Variants in ERO1B observed in about 807,000 individuals in gnomAD.
ERO1B encodes the protein ERO1-like protein beta.
ERO1B carries 49 observed loss-of-function variants against 75.3 expected under a neutral mutation model. The observed-to-expected ratio is 0.65, with a 90% CI of 0.52 to 0.83. The LOEUF is 0.83. ERO1B is among the 40% of genes least tolerant of loss of function. The pLI is 0.00. For synonymous variants in ERO1B, 191 were observed against 192.9 expected, an observed-to-expected ratio of 0.99 and a Z score of 0.08; for missense variants, 512 against 560.1, an observed-to-expected ratio of 0.91 and a Z score of 0.87.
chr1:236,230,505 G>A lies in ERO1B; in HGVS notation c.686-255C>T, dbSNP rs546826141. ...GTGCAGGCCTGTAATCCAGCTACTC[G>A]GGAGGATGAGGCAGGAGAATTGCTT... On this transcript the variant is annotated intron_variant, in intron 9 of 15. Coordinates refer to ENST00000354619, the MANE Select transcript of ERO1B (RefSeq NM_019891.4). Among the ~76,000 whole-genome samples the A allele has an allele frequency of 2.6e-5, 4 of 150,952 alleles. No individual in the cohort carries two copies. The East Asian group carries it at 5.9e-4, about 22-fold the overall frequency.
intron 10 of ERO1B, among the ~76,000 whole-genome samples, chr1:236,227,749 ACT>A (rs1209132676): frequency 1.3e-5 from 2 of 152,084 alleles, no homozygotes; most frequent in South Asian, 2.1e-4. Flanking sequence ...CCAGCAATTC[ACT>A]CTCTCTTTCT....
intron 12 of ERO1B, 132 bp downstream of exon 12, chr1:236,226,137 A>G: frequency 1.2e-6 from 1 of 850,086 alleles, no homozygotes; most frequent in South Asian, 1.8e-5. Context: ...CTGTTGTTCT[A>G]TTGATCACTT....
intron 1 of ERO1B, among the ~76,000 whole-genome samples, chr1:236,276,166 T>G (rs1665707266): frequency 6.6e-6 from 1 of 152,124 alleles, no homozygotes; most frequent in Non-Finnish European, 1.5e-5. Flanking sequence ...AAAGCAGATT[T>G]GGGGGAAAAG....
intron 4 of ERO1B, among the ~76,000 whole-genome samples, chr1:236,250,491 C>G (rs1664989620): frequency 6.8e-6 from 1 of 147,770 alleles, no homozygotes; most frequent in Non-Finnish European, 1.5e-5. Flanking sequence ...AATAAAAATT[C>G]AAAAGTAAAA....
At chr1:236,261,094 T>C (rs758169458) in intron 2 of ERO1B, among the ~76,000 whole-genome samples, 2 of 152,030 alleles carry the variant, frequency 1.3e-5, no homozygotes, top group Non-Finnish European at 2.9e-5. Flanking sequence ...AAAAAACATA[T>C]GACAAAATTC....
intron 1 of ERO1B, among the ~76,000 whole-genome samples, chr1:236,272,459 A>G (rs1014778582): frequency 6.6e-6 from 1 of 152,196 alleles, no homozygotes; most frequent in African/African-American, 2.4e-5. Context: ...TTAATGCAAA[A>G]GCAGAAAATC....
chr1:236,256,336 T>C (rs1405632), intron 2 of ERO1B, among the ~76,000 whole-genome samples: 37,645 of 151,994 alleles, frequency 0.25, 4,820 homozygotes, highest in East Asian at 0.38. Flanking sequence ...AAAAGGTTAC[T>C]CCTGCAAGGT....
chr1:236,238,781 A>C (rs1664608171), intron 6 of ERO1B, among the ~76,000 whole-genome samples: 1 of 152,004 alleles, frequency 6.6e-6, no homozygotes, highest in Non-Finnish European at 1.5e-5. Context: ...TGTGTATAGA[A>C]TCCTCTACAA....
chr1:236,255,952 T>C (rs1351796957), intron 2 of ERO1B, among the ~76,000 whole-genome samples: 1 of 152,176 alleles, frequency 6.6e-6, no homozygotes, highest in African/African-American at 2.4e-5. Flanking sequence ...AAGCCAAAAA[T>C]CTTGGCAGCT....
At chr1:236,265,322 A>G (rs1665410677) in intron 2 of ERO1B, among the ~76,000 whole-genome samples, 1 of 152,208 alleles carries the variant, frequency 6.6e-6, no homozygotes, top group Non-Finnish European at 1.5e-5. Flanking sequence ...ATCAACATCA[A>G]TGCAAGAATC....
chr1:236,250,758 G>A (rs1285950916), intron 4 of ERO1B, among the ~76,000 whole-genome samples: 3 of 150,560 alleles, frequency 2.0e-5, no homozygotes, highest in Non-Finnish European at 4.4e-5. Flanking sequence ...ACACACACAC[G>A]TTTGCAAAAT....
chr1:236,218,623 ACT>A (rs1353059649), intron 15 of ERO1B, 47 bp from the exon 16 acceptor site: 3 of 1,243,678 alleles, frequency 2.4e-6, no homozygotes, highest in Non-Finnish European at 3.1e-6. Context: ...CATGTTGCAT[ACT>A]GTTTCAAATT....
Position 236,272,174 on chromosome 1 carries a change from C to T in ERO1B, c.103-2180G>A, listed in dbSNP as rs144902487. 3.9e-4 allele frequency among the ~76,000 whole-genome samples: 60 copies of T among 152,180 alleles called. 1 individual carries two copies. The highest frequency in any genetic ancestry group is 1.4e-3 in the African/African-American group (57 of 41,536). Reference sequence around the variant, plus strand: ...TTTATCAAAGAACTAAAAGTAGAACCATCATTTGACCCTGCAATCCCACTA... The same window carrying T: ...TTTATCAAAGAACTAAAAGTAGAACTATCATTTGACCCTGCAATCCCACTA... On this transcript the variant is annotated intron_variant, in intron 1 of 15. Coordinates refer to ENST00000354619, the MANE Select transcript of ERO1B (RefSeq NM_019891.4).
rs767963087 is a variant in ERO1B at position 236,226,296 on chromosome 1, A to G, written c.1025T>C (p.Leu342Pro). 7.4e-6 allele frequency: 12 copies of G among 1,613,892 alleles called. No homozygotes were observed. The highest frequency in any genetic ancestry group is 1.0e-5 in the Non-Finnish European group (12 of 1,179,970). The part of the protein sequence containing the change: ...NAEEDADTKT[L>P]LLNIFQDTKS... ...TGTATCTTGAAAGATATTCAGTAGA[A>G]GAGTTTTTGTGTCAGCATCTTCTTC... The change falls in exon 12 of 16, where the codon CTT becomes CCT. Residue 342 changes from leucine (L) to proline (P), a missense_variant. Transcript: ENST00000354619.
chr1:236,249,332 T>C (rs190463861), intron 5 of ERO1B, among the ~76,000 whole-genome samples: 2 of 152,312 alleles, frequency 1.3e-5, no homozygotes, highest in African/African-American at 4.8e-5. Context: ...GGCTCATAAA[T>C]ACAAACCTAA....
chr1:236,250,584 T>C (rs201085566), intron 4 of ERO1B, among the ~76,000 whole-genome samples: 2 of 42,764 alleles, frequency 4.7e-5, no homozygotes, highest in African/African-American at 9.0e-5. Flanking sequence ...TATATATATA[T>C]ATATATATAT....
intron 6 of ERO1B, among the ~76,000 whole-genome samples, chr1:236,240,922 T>G (rs1345744611): frequency 1.3e-5 from 2 of 152,098 alleles, no homozygotes; most frequent in Non-Finnish European, 2.9e-5. Context: ...GAGAGCAGGC[T>G]TTTCTGATAA....
chr1:236,223,947 C>A (rs944150818), intron 13 of ERO1B, among the ~76,000 whole-genome samples: 4 of 152,128 alleles, frequency 2.6e-5, no homozygotes, highest in African/African-American at 9.7e-5. Flanking sequence ...GAGAATCACT[C>A]AGTATTGATT....
At chr1:236,268,867 C>T (rs1254191) in intron 2 of ERO1B, among the ~76,000 whole-genome samples, 112,517 of 151,858 alleles carry the variant, frequency 0.74, 42,126 homozygotes, top group Middle Eastern at 0.84. Context: ...GCCTGGGCGA[C>T]GGAGTGAGAC....
Sources: allele counts gnomAD v4.1 joint callset (sites outside exome capture counted in the v4.1 genomes callset), GRCh38; gene constraint gnomAD v4.1.1; transcripts MANE v1.5; gene names NCBI Gene and HGNC (gene_info 2026-07-23, HGNC 2026-07-21).